The following ZNF236 variants were observed in gnomAD, a reference collection of about 807,000 sequenced individuals.
ZNF236 encodes zinc finger protein 236.
A neutral mutation model predicts 191.2 loss-of-function variants in ZNF236; 50 were observed. That is an observed-to-expected ratio of 0.26 (90% CI 0.21 to 0.33). The LOEUF (loss-of-function observed/expected upper bound fraction) is 0.33, where lower values mean the gene tolerates loss of function less well. ZNF236 is among the 10% of genes least tolerant of loss of function. The pLI is 1.00. For missense variants in ZNF236, 1,754 were observed against 2,374.5 expected (o/e 0.74, Z 5.43); for synonymous variants, 907 against 928.8 (o/e 0.98, Z 0.43).
chr18:76,918,628 C>T (rs2122798248), intron 19 of ZNF236, among the ~76,000 whole-genome samples: 1 of 152,262 alleles, frequency 6.6e-6, no homozygotes, highest in African/African-American at 2.4e-5. Flanking sequence ...GGGTCTTGCT[C>T]TGTTGCCTAG....
chr18:76,925,100 A>G lies in ZNF236; in HGVS notation c.3662-89A>G. The G allele has an allele frequency of 1.3e-6, 2 of 1,530,584 alleles. No individual in the cohort carries two copies. The highest frequency in any genetic ancestry group is 1.8e-6 in the Non-Finnish European group (2 of 1,140,830). 94.8% of individuals were successfully genotyped at this position (1,530,584 alleles called of 1,614,324 possible). A position where few individuals can be genotyped will look rare whatever the true frequency, so the allele number is the denominator to read the frequency against. ...GTACTTCCATCCACTGATTCAACATATTTACATCCATAGTGACAGCTGAGT... is the reference window on the plus strand; with the variant it reads ...GTACTTCCATCCACTGATTCAACATGTTTACATCCATAGTGACAGCTGAGT... On this transcript the variant is annotated intron_variant, in intron 21 of 30. Transcript: ENST00000320610. This position sits in a 1 kb window ranked among gnomAD's most constrained non-coding sequence, Gnocchi z 5.7.
Position 76,824,501 on chromosome 18 carries a change from C to G in ZNF236, c.55+1839C>G, listed in dbSNP as rs552927728. 4 of 778,018 alleles carry G rather than the reference C, an allele frequency of 5.1e-6. No homozygotes were observed. In the East Asian group the frequency reaches 9.7e-5, roughly 19 times the overall value. The allele number at this position is 778,018 out of a possible 1,614,324, so 48.2% of individuals were successfully genotyped here. On this transcript the variant is annotated intron_variant, in intron 1 of 30. Transcript: ENST00000320610. ...TTAAGGAAGTCTTTGTTGCCTCTCC[C>G]GCTTTTGAGTTTTGGCCTTGACCTT...
intron 5 of ZNF236, among the ~76,000 whole-genome samples, chr18:76,874,694 A>G (rs1976667105): frequency 1.3e-5 from 2 of 152,206 alleles, no homozygotes; most frequent in Non-Finnish European, 1.5e-5. Flanking sequence ...GATTTTGAGC[A>G]AAGGCCTGAA....
chr18:76,934,113 T>C (rs1055173762), intron 25 of ZNF236, among the ~76,000 whole-genome samples: 13 of 152,244 alleles, frequency 8.5e-5, no homozygotes, highest in Non-Finnish European at 1.9e-4. Context: ...CAAGGTTTGG[T>C]TAAGACTCAT....
intron 7 of ZNF236, among the ~76,000 whole-genome samples, 175 bp from the exon 8 acceptor site, chr18:76,879,938 C>G (rs756237166): frequency 2.2e-4 from 33 of 151,656 alleles, no homozygotes; most frequent in Non-Finnish European, 4.0e-4. Flanking sequence ...TATTAAGAGC[C>G]AATATCGTGC....
chr18:76,889,202 C>T (rs1361068848), intron 9 of ZNF236, among the ~76,000 whole-genome samples: 18 of 152,316 alleles, frequency 1.2e-4, no homozygotes, highest in Non-Finnish European at 2.2e-4. Flanking sequence ...TATCTGCCTT[C>T]GAAGCTCACC....
intron 1 of ZNF236, among the ~76,000 whole-genome samples, chr18:76,826,932 C>CTT (rs111352397): frequency 0.061 from 9,280 of 152,048 alleles, 515 homozygotes; most frequent in African/African-American, 0.15. Flanking sequence ...GAGTTTTGCT[C>CTT]GTTGCCCAGG....
At position 76,968,318 on chromosome 18, in the gene ZNF236, GGCCCTCACCCAC is replaced by G; in HGVS notation, c.5525_5536del (p.Ala1842_His1845del). ...TGCAGGAGGCCGCCGGCGAGTGGCAGGCCCTCACCCACGTCTTCTGATGCGAGTTGGAAGTAC... is the reference window on the plus strand; with the variant it reads ...TGCAGGAGGCCGCCGGCGAGTGGCAGGTCTTCTGATGCGAGTTGGAAGTAC... On this transcript the variant is annotated inframe_deletion, in exon 31 of 31. Transcript: ENST00000320610. The G allele has an allele frequency of 6.2e-7, 1 of 1,608,010 alleles. No individual in the cohort carries two copies. Among genetic ancestry groups the G allele is most frequent in the Non-Finnish European group, 8.5e-7 (1 of 1,178,414 alleles).
intron 3 of ZNF236, among the ~76,000 whole-genome samples, chr18:76,858,748 G>A (rs1317847733): frequency 1.4e-5 from 1 of 72,584 alleles, no homozygotes; most frequent in Non-Finnish European, 2.8e-5. Context: ...AGGAGGAAGG[G>A]GGAGAGGGCT....
At chr18:76,879,241 G>T (rs997491157) in intron 7 of ZNF236, among the ~76,000 whole-genome samples, 1 of 152,000 alleles carries the variant, frequency 6.6e-6, no homozygotes, top group African/African-American at 2.4e-5. Context: ...GTAATTATAG[G>T]GATTTAGAAA....
chr18:76,955,852 G>A, intron 27 of ZNF236, 133 bp from the exon 28 acceptor site: 1 of 974,128 alleles, frequency 1.0e-6, no homozygotes, highest in South Asian at 1.4e-5. Context: ...TTATCCTGAT[G>A]ATAGGACATG....
chr18:76,894,879 C>A, intron 9 of ZNF236, 134 bp from the exon 10 acceptor site: 1 of 1,205,276 alleles, frequency 8.3e-7, no homozygotes, highest in Non-Finnish European at 1.2e-6. Context: ...TCGATAATGT[C>A]AGTGATCCTG....
chr18:76,866,953 T>C (rs896334532), intron 3 of ZNF236, among the ~76,000 whole-genome samples: 2 of 152,180 alleles, frequency 1.3e-5, no homozygotes, highest in Non-Finnish European at 2.9e-5. Flanking sequence ...GCTCGCACCA[T>C]CTGAGCACGT....
At chr18:76,966,633 A>G (rs988219965) in intron 30 of ZNF236, among the ~76,000 whole-genome samples, 4 of 152,106 alleles carry the variant, frequency 2.6e-5, no homozygotes, top group Non-Finnish European at 5.9e-5. Flanking sequence ...CACAGAGCAA[A>G]CAGAATCTGC....
At chr18:76,951,348 C>T (rs758114102) in intron 27 of ZNF236, among the ~76,000 whole-genome samples, 5 of 152,200 alleles carry the variant, frequency 3.3e-5, no homozygotes, top group East Asian at 1.9e-4. Flanking sequence ...TGACCTTCAT[C>T]GATGCTCTTG....
intron 1 of ZNF236, among the ~76,000 whole-genome samples, chr18:76,823,783 G>A (rs1374809363): frequency 6.6e-6 from 1 of 152,162 alleles, no homozygotes; most frequent in Non-Finnish European, 1.5e-5. Flanking sequence ...GGGGGATCGG[G>A]GCGCACTCGC....
chr18:76,953,289 T>A (rs1478009309), intron 27 of ZNF236, among the ~76,000 whole-genome samples: 1 of 152,208 alleles, frequency 6.6e-6, no homozygotes. Context: ...GCAAACTGCC[T>A]TTCTTCCTTC....
chr18:76,915,498 C>CTTT (rs5826484), intron 18 of ZNF236, 149 bp from the exon 19 acceptor site: 4 of 621,906 alleles, frequency 6.4e-6, no homozygotes, highest in Non-Finnish European at 1.1e-5. Flanking sequence ...TTGTAATTTA[C>CTTT]TTTTTTTTTT....
At chr18:76,847,645 G>A (rs1325814254) in intron 1 of ZNF236, among the ~76,000 whole-genome samples, 2 of 151,798 alleles carry the variant, frequency 1.3e-5, no homozygotes, top group Admixed American at 1.3e-4. Flanking sequence ...TTTTCTGTGT[G>A]TCTTTAGTAG....
Sources: gnomAD v4.1 joint callset for allele counts (sites outside exome capture counted in the v4.1 genomes callset) on GRCh38, gnomAD v4.1.1 for gene constraint, Gnocchi (gnomAD v3.1) non-coding constraint, MANE v1.5 for transcripts, NCBI Gene and HGNC (gene_info 2026-07-23, HGNC 2026-07-21) for gene names.